BIRC6: variants seen among roughly 807,000 people sequenced by gnomAD.
BIRC6 encodes the protein dual E2 ubiquitin-conjugating enzyme/E3 ubiquitin-protein ligase BIRC6.
BIRC6 carries 98 observed loss-of-function variants against 503.3 expected under a neutral mutation model. The ratio of observed to expected loss-of-function variants is 0.19; its 90% CI spans 0.17 to 0.23. The LOEUF is 0.23. Among genes scored for constraint, BIRC6 ranks in the 10% least tolerant of loss-of-function variants. The pLI is 1.00. For missense variants in BIRC6, 5,360 were observed against 5,806.0 expected, an observed-to-expected ratio of 0.92 and a Z score of 2.50; for synonymous variants, 2,240 against 2,078.7, an observed-to-expected ratio of 1.08 and a Z score of -2.11.
intron 50 of BIRC6, 62 bp downstream of exon 50, chr2:32,505,267 A>G (rs2053666930): frequency 7.2e-7 from 1 of 1,388,936 alleles, no homozygotes; most frequent in Non-Finnish European, 9.9e-7. Context: ...ATATTTGAAA[A>G]TAAAAATGTT....
intron 43 of BIRC6, 47 bp from the exon 44 acceptor site, chr2:32,491,378 T>G (rs765681804): frequency 6.6e-7 from 1 of 1,513,710 alleles, no homozygotes; most frequent in Admixed American, 2.1e-5. Flanking sequence ...GCATTTCCAT[T>G]ATTTCATGGT....
chr2:32,618,330 G>T lies in BIRC6; in HGVS notation c.*426G>T, dbSNP rs1017679927. 2.0e-5 allele frequency: 3 copies of T among 152,508 alleles called. No individual in the cohort carries two copies. The highest frequency in any genetic ancestry group is 4.4e-5 in the Non-Finnish European group (3 of 68,458). 9.4% of individuals were successfully genotyped at this position (152,508 alleles called of 1,614,324 possible). A position where few individuals can be genotyped will look rare whatever the true frequency, so the allele number is the denominator to read the frequency against. On this transcript the variant is annotated 3_prime_UTR_variant, in exon 74 of 74. Coordinates refer to ENST00000421745, the MANE Select transcript of BIRC6 (RefSeq NM_016252.4). ...CAGCAACTTTTCACTGAATTTGATAGATTTTATGTTTGGCCATATCTTCAT... is the reference window on the plus strand; with the variant it reads ...CAGCAACTTTTCACTGAATTTGATATATTTTATGTTTGGCCATATCTTCAT...
intron 64 of BIRC6, 162 bp from the exon 65 acceptor site, chr2:32,549,149 TTC>T (rs1434620115): frequency 2.1e-6 from 1 of 472,196 alleles, no homozygotes; most frequent in African/African-American, 2.0e-5. Context: ...AAACAGATCC[TTC>T]TCTTTTGAAA....
chr2:32,431,109 A>AT lies in BIRC6; in HGVS notation c.3248+20dup, dbSNP rs2044046653. 6.5e-7 allele frequency: 1 copy of AT among 1,537,758 alleles called. No homozygotes were observed. The highest frequency in any genetic ancestry group is 1.4e-5 in the African/African-American group (1 of 72,734). ...CCGACAGGTAAAAGATATTCCCAAG[A>AT]TAATTAATTTTAAGTCCATCTTGTG... On this transcript the variant is annotated intron_variant, in intron 12 of 73. Transcript: ENST00000421745.
chr2:32,598,516 A>G (rs2061821793), intron 69 of BIRC6, among the ~76,000 whole-genome samples: 2 of 152,132 alleles, frequency 1.3e-5, no homozygotes, highest in African/African-American at 4.8e-5. Context: ...AGGTAATACA[A>G]TAATATATAA....
chr2:32,368,796 T>TACAC (rs1012441674), intron 1 of BIRC6, among the ~76,000 whole-genome samples: 1 of 151,958 alleles, frequency 6.6e-6, no homozygotes, highest in African/African-American at 2.4e-5. Flanking sequence ...GGATTACAGG[T>TACAC]GTGTACCACC....
Position 32,518,827 on chromosome 2 carries a change from G to A in BIRC6, c.11504G>A (p.Gly3835Asp). 2 of 1,613,038 alleles carry A rather than the reference G, an allele frequency of 1.2e-6. No individual in the cohort carries two copies. Among genetic ancestry groups the A allele is most frequent in the Non-Finnish European group, 1.7e-6 (2 of 1,179,204 alleles). The change falls in exon 57 of 74, where the codon GGT (glycine) becomes GAT (aspartate). Residue 3835 changes from glycine (G) to aspartate (D), a missense_variant. Physicochemically the swap from Gly to Asp is moderately conservative, Grantham distance 94. Coordinates refer to ENST00000421745, the MANE Select transcript of BIRC6 (RefSeq NM_016252.4). ...TTTCTTGATTTTCAGCTGTACAAAG[G>A]TAGAATTAATGCTACTAGCCACGTC... ...FLQSPCPLYKGRINATSHVIQ... is the reference protein window; with the variant it reads ...FLQSPCPLYKDRINATSHVIQ...
intron 21 of BIRC6, among the ~76,000 whole-genome samples, chr2:32,447,684 C>T (rs1254770344): frequency 1.9e-5 from 2 of 104,242 alleles, no homozygotes; most frequent in South Asian, 4.0e-4. Flanking sequence ...CCGGACTGGG[C>T]GGCTGGCCGG....
chr2:32,429,323 T>A (rs183622998), intron 11 of BIRC6, 28 bp downstream of exon 11: 36 of 1,427,510 alleles, frequency 2.5e-5, no homozygotes, highest in South Asian at 5.7e-5. Flanking sequence ...TAAATGATTT[T>A]AAAAAAAGAA....
intron 1 of BIRC6, among the ~76,000 whole-genome samples, chr2:32,377,279 A>C (rs561320421): frequency 6.7e-6 from 1 of 149,918 alleles, no homozygotes; most frequent in East Asian, 2.0e-4. Flanking sequence ...TCTACTTGAG[A>C]GTTGGTTGCA....
At chr2:32,596,003 T>G (rs1242151904) in intron 68 of BIRC6, among the ~76,000 whole-genome samples, 1 of 152,156 alleles carries the variant, frequency 6.6e-6, no homozygotes, top group African/African-American at 2.4e-5. Flanking sequence ...TTTTAAATAA[T>G]AAATATTTTA....
chr2:32,599,709 A>G (rs1174571787), intron 69 of BIRC6, 30 bp from the exon 70 acceptor site: 1 of 1,595,364 alleles, frequency 6.3e-7, no homozygotes, highest in Admixed American at 1.7e-5. Context: ...GAATGTTAAC[A>G]TAGACTTTTG....
intron 57 of BIRC6, among the ~76,000 whole-genome samples, chr2:32,521,558 T>G (rs1243959931): frequency 6.6e-6 from 1 of 151,524 alleles, no homozygotes; most frequent in Non-Finnish European, 1.5e-5. Context: ...AACCTCTGCC[T>G]CCCAGGTTCA....
intron 9 of BIRC6, among the ~76,000 whole-genome samples, chr2:32,411,204 A>G (rs1433353933): frequency 2.0e-5 from 3 of 150,664 alleles, no homozygotes; most frequent in Non-Finnish European, 4.4e-5. Context: ...ACGCTTGGCT[A>G]ATTTTGTATT....
At chr2:32,444,623 C>A (rs906270982) in intron 20 of BIRC6, among the ~76,000 whole-genome samples, 1 of 152,114 alleles carries the variant, frequency 6.6e-6, no homozygotes, top group African/African-American at 2.4e-5. Flanking sequence ...CAGTGGCTCA[C>A]ACTTGTAATC....
chr2:32,385,233 T>A (rs555826414), intron 3 of BIRC6, among the ~76,000 whole-genome samples: 9 of 152,196 alleles, frequency 5.9e-5, no homozygotes, highest in Non-Finnish European at 1.3e-4. Context: ...TTTCCCCTCA[T>A]ATTATTTCAT....
rs192746668 is a variant in BIRC6 at position 32,518,808 on chromosome 2, G to C, written c.11494-9G>C. ...TACTTCCTGATTTCTTTGATTTCTT[G>C]ATTTTCAGCTGTACAAAGGTAGAAT... On this transcript the variant is annotated splice_polypyrimidine_tract_variant and intron_variant, in intron 56 of 73. Transcript: ENST00000421745. The C allele has an allele frequency of 8.1e-6, 13 of 1,608,942 alleles. No homozygotes were observed. In the Admixed American group the frequency reaches 1.9e-4, roughly 23 times the overall value.
chr2:32,616,098 C>T (rs2063217129), intron 73 of BIRC6, among the ~76,000 whole-genome samples: 1 of 152,194 alleles, frequency 6.6e-6, no homozygotes, highest in Admixed American at 6.5e-5. Flanking sequence ...TTTATTTAAT[C>T]TCTATAGATC....
In BIRC6 at chr2:32,415,950, A is replaced by G. The variant is rs768318207; in HGVS notation, c.2659A>G (p.Asn887Asp). The stretch of plus-strand genomic sequence containing the variant: ...TGAGGACATGCAGTTAACCTCAAAG[A>G]ATGGTTTTGAGAGAGAAAAAACGTC... ...PIEDMQLTSKNGFEREKTSDI... is the reference protein window; with the variant it reads ...PIEDMQLTSKDGFEREKTSDI... The change falls in exon 10 of 74, where the codon AAT becomes GAT. Residue 887 changes from asparagine to aspartate, a missense_variant. By Grantham distance (23) the Asn-to-Asp change is conservative (BLOSUM62 1). This residue lies in a region of BIRC6 where 700 missense variants were observed against 739.3 expected (regional missense o/e 0.95). Transcript: ENST00000421745. 3.7e-6 allele frequency: 6 copies of G among 1,613,788 alleles called. No individual in the cohort carries two copies. In the Admixed American group the frequency reaches 5.0e-5, roughly 13 times the overall value.
Sources: allele counts gnomAD v4.1 joint callset (sites outside exome capture counted in the v4.1 genomes callset), GRCh38; gene constraint gnomAD v4.1.1; regional missense constraint gnomAD v4.1.1; transcripts MANE v1.5; gene names NCBI Gene and HGNC (gene_info 2026-07-23, HGNC 2026-07-21).